The following TBC1D4 variants were observed in gnomAD, a reference collection of about 807,000 sequenced individuals.
TBC1D4 encodes the protein TBC (Tre-2, BUB2, CDC16) domain-containing protein.
In TBC1D4, 121 loss-of-function variants were observed where a neutral mutation model predicts 142.5. The observed-to-expected ratio is 0.85, with a 90% CI of 0.73 to 0.99. The LOEUF (loss-of-function observed/expected upper bound fraction) is 0.99. Ranked by LOEUF, TBC1D4 falls within the 50% of genes least tolerant of loss-of-function variation. The pLI is 0.00. For missense variants in TBC1D4, 1,475 were observed against 1,606.6 expected (o/e 0.92, Z 1.40); for synonymous variants, 630 against 628.2 (o/e 1.00, Z -0.04).
chr13:75,358,001 A>AT (rs11434134), intron 3 of TBC1D4, among the ~76,000 whole-genome samples: 59,890 of 151,234 alleles, frequency 0.4, 13,579 homozygotes, highest in African/African-American at 0.63. Flanking sequence ...TTTTCTTTCT[A>AT]TTTTTTTTTC....
At chr13:75,425,010 A>C (rs1297056020) in intron 1 of TBC1D4, among the ~76,000 whole-genome samples, 1 of 152,224 alleles carries the variant, frequency 6.6e-6, no homozygotes, top group East Asian at 1.9e-4. Flanking sequence ...ATGTAATCAA[A>C]TTAAAAAGCT....
chr13:75,363,599 G>A (rs1463118922), intron 1 of TBC1D4, among the ~76,000 whole-genome samples: 1 of 150,830 alleles, frequency 6.6e-6, no homozygotes, highest in East Asian at 1.9e-4. Flanking sequence ...CGGATCCAAG[G>A]TACTTCTTAC....
intron 1 of TBC1D4, among the ~76,000 whole-genome samples, chr13:75,431,284 A>G (rs776159864): frequency 3.9e-5 from 6 of 152,208 alleles, no homozygotes; most frequent in Non-Finnish European, 8.8e-5. Context: ...GAACTTTGAG[A>G]AAACAGTTTC....
chr13:75,360,213 T>A (rs1410203718), intron 2 of TBC1D4, among the ~76,000 whole-genome samples: 1 of 152,192 alleles, frequency 6.6e-6, no homozygotes, highest in African/African-American at 2.4e-5. Flanking sequence ...AATCATACTT[T>A]CTTCTAAATG....
rs1386629780 is a variant in TBC1D4, at chr13:75,393,143, ACACACACACACACT to A, written c.499-30550_499-30537del. 7.2e-4 allele frequency among the ~76,000 whole-genome samples: 108 copies of A among 149,486 alleles called. 1 individual carries two copies. Among genetic ancestry groups the A allele is most frequent in the African/African-American group, 2.6e-3 (104 of 39,258 alleles). The stretch of plus-strand genomic sequence containing the variant: ...CACACACACACACACACACACACAC[ACACACACACACACT>A]CAGTCTTTGTTTGCTCTTACTACTG... On this transcript the variant is annotated intron_variant, in intron 1 of 20. Coordinates refer to ENST00000377636, the MANE Select transcript of TBC1D4 (RefSeq NM_014832.5).
chr13:75,440,504 C>T (rs980189923), intron 1 of TBC1D4, among the ~76,000 whole-genome samples: 1 of 151,772 alleles, frequency 6.6e-6, no homozygotes, highest in African/African-American at 2.4e-5. Context: ...GAAGAGGGAA[C>T]CAATTGTTAA....
intron 7 of TBC1D4, among the ~76,000 whole-genome samples, chr13:75,337,930 A>G (rs749250804): frequency 8.0e-4 from 121 of 152,196 alleles, no homozygotes; most frequent in Non-Finnish European, 1.5e-3. Flanking sequence ...AAAAACTGCA[A>G]TTACTTCTGC....
At chr13:75,447,296 T>C (rs1358455305) in intron 1 of TBC1D4, among the ~76,000 whole-genome samples, 1 of 152,222 alleles carries the variant, frequency 6.6e-6, no homozygotes, top group East Asian at 1.9e-4. Context: ...AAGATTTTCA[T>C]AATTTGCAGT....
intron 1 of TBC1D4, among the ~76,000 whole-genome samples, chr13:75,389,887 T>C (rs573153256): frequency 6.6e-6 from 1 of 152,136 alleles, no homozygotes; most frequent in African/African-American, 2.4e-5. Context: ...CTAAAGATGG[T>C]AGGAAATTCT....
chr13:75,453,589 C>T (rs552757536), intron 1 of TBC1D4, among the ~76,000 whole-genome samples: 237 of 152,210 alleles, frequency 1.6e-3, no homozygotes, highest in Non-Finnish European at 2.8e-3. Flanking sequence ...TGGCTGGGCG[C>T]GGTGGCTCAC....
chr13:75,302,073 C>G (rs929676446), intron 16 of TBC1D4, among the ~76,000 whole-genome samples, 170 bp downstream of exon 16: 3 of 152,072 alleles, frequency 2.0e-5, no homozygotes, highest in African/African-American at 4.8e-5. Context: ...TTTATGGGAT[C>G]GTCAATCAGG....
intron 1 of TBC1D4, among the ~76,000 whole-genome samples, chr13:75,363,352 G>A (rs1882689071): frequency 6.6e-6 from 1 of 152,090 alleles, no homozygotes; most frequent in Admixed American, 6.6e-5. Context: ...AAATATCTTA[G>A]GCCCCCAAAA....
At chr13:75,368,960 C>T (rs1157265297) in intron 1 of TBC1D4, among the ~76,000 whole-genome samples, 2 of 152,138 alleles carry the variant, frequency 1.3e-5, no homozygotes, top group African/African-American at 4.8e-5. Context: ...AGGAGAACCG[C>T]TTGAGCCTGG....
At chr13:75,437,574 C>T (rs1170670065) in intron 1 of TBC1D4, among the ~76,000 whole-genome samples, 27 of 150,958 alleles carry the variant, frequency 1.8e-4, no homozygotes, top group Admixed American at 1.7e-3. Context: ...CCTTAAATTC[C>T]TTTAAGTGCT....
At chr13:75,436,789 T>C (rs1330274067) in intron 1 of TBC1D4, among the ~76,000 whole-genome samples, 1 of 152,194 alleles carries the variant, frequency 6.6e-6, no homozygotes, top group Non-Finnish European at 1.5e-5. Flanking sequence ...TATTATTAAT[T>C]GACAAGTAAA....
chr13:75,349,196 A>G lies in TBC1D4; in HGVS notation c.1382T>C (p.Leu461Ser). 1 of 1,614,098 alleles carries G rather than the reference A, an allele frequency of 6.2e-7. No homozygotes were observed. The highest frequency in any genetic ancestry group is 8.5e-7 in the Non-Finnish European group (1 of 1,179,954). The change falls in exon 5 of 21, where the codon TTG becomes TCG. Residue 461 changes from leucine (L) to serine (S), a missense_variant. Transcript: ENST00000377636. ...TTCAATCCTTTCACAGAGCTTATGC[A>G]AAGAGTGCATCGGGCAGGCCTCACA... is the stretch of plus-strand genomic sequence containing the variant. ...KLCEACPMHS[L>S]HKLCERIEGL...
intron 1 of TBC1D4, among the ~76,000 whole-genome samples, chr13:75,478,988 G>A (rs1440249024): frequency 7.2e-5 from 11 of 152,154 alleles, no homozygotes; most frequent in Non-Finnish European, 1.5e-4. Context: ...TTTAAAATGC[G>A]GGGTCATATA....
chr13:75,295,938 A>T (rs554878708), intron 17 of TBC1D4, among the ~76,000 whole-genome samples: 21 of 152,290 alleles, frequency 1.4e-4, no homozygotes, highest in African/African-American at 4.8e-4. Context: ...TTAAAACATC[A>T]CTCTTAAATA....
rs139732365 is a variant in TBC1D4, at chr13:75,321,374, C to T, written c.2199-1337G>A. Reference sequence around the variant, plus strand: ...TACACCCTAAAGTATTAAGAGTAAACGGACACGATGCATGCAACTTATTCA... The same window carrying T: ...TACACCCTAAAGTATTAAGAGTAAATGGACACGATGCATGCAACTTATTCA... On this transcript the variant is annotated intron_variant, in intron 11 of 20. Coordinates refer to ENST00000377636, the MANE Select transcript of TBC1D4 (RefSeq NM_014832.5). Among the ~76,000 whole-genome samples, 283 of 151,902 alleles carry T rather than the reference C, an allele frequency of 1.9e-3. 2 individuals are homozygous for T. The highest frequency in any genetic ancestry group is 6.2e-3 in the African/African-American group (257 of 41,386).
Sources: gnomAD v4.1 joint callset for allele counts (sites outside exome capture counted in the v4.1 genomes callset) on GRCh38, gnomAD v4.1.1 for gene constraint, MANE v1.5 for transcripts, NCBI Gene and HGNC (gene_info 2026-07-23, HGNC 2026-07-21) for gene names.